The following PGR variants were observed in gnomAD, a reference collection of about 807,000 sequenced individuals.
PGR encodes the protein progesterone receptor, also known as nuclear receptor subfamily 3 group C member 3.
PGR carries 25 observed loss-of-function variants against 76.1 expected under a neutral mutation model. The ratio of observed to expected loss-of-function variants is 0.33; its 90% CI spans 0.24 to 0.46. The LOEUF (loss-of-function observed/expected upper bound fraction) is 0.46, where lower values mean the gene tolerates loss of function less well. PGR is among the 20% of genes least tolerant of loss of function. The pLI is 1.00. For synonymous variants in PGR, 579 were observed against 535.0 expected, an observed-to-expected ratio of 1.08 and a Z score of -1.14; for missense variants, 1,172 against 1,225.3, an observed-to-expected ratio of 0.96 and a Z score of 0.65.
intron 3 of PGR, among the ~76,000 whole-genome samples, chr11:101,077,814 C>T (rs1861175087): frequency 6.6e-6 from 1 of 152,130 alleles, no homozygotes; most frequent in South Asian, 2.1e-4. Context: ...GTGAGAGGTG[C>T]TGTCTCTGAG....
At chr11:101,120,112 T>C (rs2135500517) in intron 2 of PGR, among the ~76,000 whole-genome samples, 1 of 152,364 alleles carries the variant, frequency 6.6e-6, no homozygotes, top group South Asian at 2.1e-4. Context: ...TTCTTCTCCA[T>C]GTGTCTAACT....
chr11:101,044,033 G>C (rs1859781355), intron 6 of PGR, among the ~76,000 whole-genome samples: 1 of 152,190 alleles, frequency 6.6e-6, no homozygotes, highest in African/African-American at 2.4e-5. Context: ...CCCCTAACAA[G>C]AGAGTCAACC....
intron 3 of PGR, among the ~76,000 whole-genome samples, chr11:101,087,115 CAAATA>C (rs1861524858): frequency 6.6e-6 from 1 of 151,960 alleles, no homozygotes; most frequent in Non-Finnish European, 1.5e-5. Flanking sequence ...CAAAAGAGCC[CAAATA>C]ACTACAGCAG....
chr11:101,124,603 A>C (rs1311775197), intron 2 of PGR, among the ~76,000 whole-genome samples: 1 of 152,160 alleles, frequency 6.6e-6, no homozygotes, highest in East Asian at 1.9e-4. Flanking sequence ...TCCTTAGGAG[A>C]CTTTAAGAAG....
intron 3 of PGR, among the ~76,000 whole-genome samples, chr11:101,073,733 G>C (rs1000027191): frequency 1.3e-5 from 2 of 152,156 alleles, no homozygotes; most frequent in African/African-American, 4.8e-5. Flanking sequence ...AAATCTAGAA[G>C]AAATGCATAC....
At position 101,129,056 on chromosome 11, in the gene PGR, C is replaced by G; in HGVS notation, c.15G>C (p.Lys5Asn). 1 of 1,553,832 alleles carries G rather than the reference C, an allele frequency of 6.4e-7. No individual in the cohort carries two copies. The highest frequency in any genetic ancestry group is 1.2e-5 in the South Asian group (1 of 84,116). Reference protein sequence around the residue: MTELKAKGPRAPHVA... With the variant: MTELNAKGPRAPHVA... ...CGTGGGGAGCCCGGGGACCCTTTGC[C>G]TTCAGCTCAGTCATGACGACTGGAC... Residue 5 changes from lysine to asparagine, a missense_variant, in exon 1 of 8, where the codon AAG (lysine) becomes AAC (asparagine). Physicochemically the swap from Lys to Asn is moderately conservative, Grantham distance 94. This residue lies in a region of PGR where 893 missense variants were observed against 785.9 expected (regional missense o/e 1.14). Coordinates refer to ENST00000325455, the MANE Select transcript of PGR (RefSeq NM_000926.4).
Position 101,128,914 on chromosome 11 carries a change from T to A in PGR, c.157A>T (p.Ile53Phe). The A allele has an allele frequency of 1.9e-6, 3 of 1,613,530 alleles. No individual in the cohort carries two copies. Among genetic ancestry groups the A allele is most frequent in the Non-Finnish European group, 2.5e-6 (3 of 1,179,840 alleles). Residue 53 changes from isoleucine to phenylalanine, a missense_variant, in exon 1 of 8, where the codon ATC becomes TTC. Coordinates refer to ENST00000325455, the MANE Select transcript of PGR (RefSeq NM_000926.4). ...GGGAAGAGTAGCCCGTCCAGGGAGA[T>A]AGGTATGGCCGAAACTTCAGGCAAG... The part of the protein sequence containing the change: ...DTLPEVSAIP[I>F]SLDGLLFPRP...
chr11:101,044,766 G>A (rs1311214713), intron 6 of PGR, among the ~76,000 whole-genome samples: 2 of 144,136 alleles, frequency 1.4e-5, no homozygotes, highest in Non-Finnish European at 3.0e-5. Flanking sequence ...GAGTTCAGTG[G>A]CACAATCTCA....
chr11:101,111,692 C>T (rs1862348419), intron 2 of PGR, among the ~76,000 whole-genome samples: 1 of 152,182 alleles, frequency 6.6e-6, no homozygotes. Flanking sequence ...CAAAAGAACA[C>T]TGGCTTACCA....
chr11:101,080,249 T>C (rs1240431944), intron 3 of PGR, among the ~76,000 whole-genome samples: 1 of 152,108 alleles, frequency 6.6e-6, no homozygotes, highest in East Asian at 1.9e-4. Flanking sequence ...TCCAGCCACA[T>C]TGGTCACAGC....
chr11:101,105,876 G>A (rs1439855319), intron 2 of PGR, among the ~76,000 whole-genome samples: 2 of 151,910 alleles, frequency 1.3e-5, no homozygotes, highest in Middle Eastern at 3.2e-3. Flanking sequence ...GTACCAAAAC[G>A]GATATATAGA....
intron 3 of PGR, among the ~76,000 whole-genome samples, chr11:101,076,918 A>ATTTTTTTTTTTTTT (rs1861146276): frequency 1.3e-5 from 1 of 76,528 alleles, no homozygotes; most frequent in African/African-American, 4.0e-5. Flanking sequence ...CTACAAATGG[A>ATTTTTTTTTTTTTT]ATTTTTTTTT....
chr11:101,096,399 G>A (rs1307992309), intron 2 of PGR, among the ~76,000 whole-genome samples: 1 of 152,152 alleles, frequency 6.6e-6, no homozygotes, highest in Admixed American at 6.5e-5. Flanking sequence ...ACAGTTAAAG[G>A]TTTATCTTCT....
chr11:101,070,510 G>T (rs559890332), intron 3 of PGR, among the ~76,000 whole-genome samples: 26 of 152,250 alleles, frequency 1.7e-4, no homozygotes, highest in African/African-American at 6.3e-4. Context: ...CTGAAGCCAG[G>T]GAGCCAAGTG....
At chr11:101,110,140 AAC>A (rs985511865) in intron 2 of PGR, among the ~76,000 whole-genome samples, 2 of 152,214 alleles carry the variant, frequency 1.3e-5, no homozygotes, top group African/African-American at 4.8e-5. Context: ...CATGCCTGCT[AAC>A]ACAACATCTA....
At chr11:101,065,500 T>C (rs1354443974) in intron 3 of PGR, among the ~76,000 whole-genome samples, 2 of 152,124 alleles carry the variant, frequency 1.3e-5, no homozygotes, top group African/African-American at 4.8e-5. Context: ...TAGCATTTGT[T>C]GATTGAGAAA....
chr11:101,071,436 C>T (rs1860932798), intron 3 of PGR, among the ~76,000 whole-genome samples: 1 of 152,018 alleles, frequency 6.6e-6, no homozygotes, highest in African/African-American at 2.4e-5. Context: ...AAGATCACAA[C>T]TCCTCACCAG....
chr11:101,062,806 C>A (rs1218730877), intron 3 of PGR, 54 bp from the exon 4 acceptor site: 2 of 1,196,868 alleles, frequency 1.7e-6, no homozygotes, highest in African/African-American at 3.1e-5. Context: ...CTCCATATCC[C>A]AGTATAGTAT....
chr11:101,090,266 C>A (rs1861637149), intron 3 of PGR, among the ~76,000 whole-genome samples: 2 of 152,114 alleles, frequency 1.3e-5, no homozygotes, highest in Admixed American at 1.3e-4. Flanking sequence ...TATTGCTGAT[C>A]CCCAGGAGTA....
Sources: gnomAD v4.1 joint callset for allele counts (sites outside exome capture counted in the v4.1 genomes callset) on GRCh38, gnomAD v4.1.1 for gene constraint, gnomAD v4.1.1 regional missense constraint, MANE v1.5 for transcripts, NCBI Gene and HGNC (gene_info 2026-07-23, HGNC 2026-07-21) for gene names.